The following DOK6 variants were observed in gnomAD, a reference collection of about 807,000 sequenced individuals.
DOK6 encodes downstream of tyrosine kinase 6.
In DOK6, 22 loss-of-function variants were observed where a neutral mutation model predicts 44.0. The observed-to-expected ratio is 0.50, with a 90% CI of 0.36 to 0.71. DOK6 has a LOEUF of 0.71. DOK6 is among the 30% of genes least tolerant of loss of function. The probability of loss-of-function intolerance (pLI) is 0.00; values close to 1 mark genes in which losing one functional copy is unlikely to be tolerated. For missense variants in DOK6, 340 were observed against 416.4 expected (o/e 0.82, Z 1.60); for synonymous variants, 166 against 145.5 (o/e 1.14, Z -1.01).
intron 2 of DOK6, among the ~76,000 whole-genome samples, chr18:69,587,082 TA>T (rs1312845022): frequency 6.6e-6 from 1 of 152,188 alleles, no homozygotes; most frequent in Non-Finnish European, 1.5e-5. Flanking sequence ...GTTCATGTAA[TA>T]ACTAACTCTA....
intron 1 of DOK6, among the ~76,000 whole-genome samples, chr18:69,560,918 A>G (rs1396336610): frequency 1.4e-5 from 2 of 144,900 alleles, no homozygotes; most frequent in African/African-American, 5.0e-5. Context: ...GGAGATCATT[A>G]ATATGCTTTC....
At chr18:69,486,958 T>C (rs909210445) in intron 1 of DOK6, among the ~76,000 whole-genome samples, 1 of 152,152 alleles carries the variant, frequency 6.6e-6, no homozygotes, top group African/African-American at 2.4e-5. Flanking sequence ...TTTCACCCCC[T>C]TTCTTTCTTC....
intron 3 of DOK6, among the ~76,000 whole-genome samples, chr18:69,651,711 A>G (rs1394276830): frequency 6.6e-6 from 1 of 151,010 alleles, no homozygotes; most frequent in Admixed American, 6.6e-5. Context: ...CTGATTTCAA[A>G]CTCCTGACCT....
chr18:69,638,520 G>T (rs1364875537), intron 3 of DOK6, among the ~76,000 whole-genome samples: 2 of 150,560 alleles, frequency 1.3e-5, no homozygotes, highest in Non-Finnish European at 3.0e-5. Flanking sequence ...AAAACCACAT[G>T]TATTTATTTC....
At chr18:69,577,597 A>C (rs1983268221) in intron 2 of DOK6, among the ~76,000 whole-genome samples, 1 of 152,146 alleles carries the variant, frequency 6.6e-6, no homozygotes. Context: ...GACTCAAAGA[A>C]ATGGAAAATG....
intron 2 of DOK6, among the ~76,000 whole-genome samples, chr18:69,567,198 T>C (rs1054389900): frequency 2.0e-5 from 3 of 152,224 alleles, no homozygotes; most frequent in African/African-American, 7.2e-5. Context: ...TTACCATGAA[T>C]GTAGCACTGG....
At chr18:69,497,354 A>G (rs184191411) in intron 1 of DOK6, among the ~76,000 whole-genome samples, 10 of 152,296 alleles carry the variant, frequency 6.6e-5, no homozygotes, top group African/African-American at 2.4e-4. Flanking sequence ...GTCTGATGAC[A>G]CACATGCTGT....
chr18:69,435,688 A>C (rs1055911982), intron 1 of DOK6, among the ~76,000 whole-genome samples: 2 of 152,200 alleles, frequency 1.3e-5, no homozygotes, highest in African/African-American at 4.8e-5. Flanking sequence ...ATGTATTTTT[A>C]AAAATCTTTT....
chr18:69,690,808 T>C (rs1276319286), intron 4 of DOK6, among the ~76,000 whole-genome samples: 1 of 152,224 alleles, frequency 6.6e-6, no homozygotes, highest in Non-Finnish European at 1.5e-5. Context: ...GTCTCTGGTC[T>C]TTTGCCTAAA....
At chr18:69,720,420 G>T (rs1378503194) in intron 5 of DOK6, among the ~76,000 whole-genome samples, 1 of 152,112 alleles carries the variant, frequency 6.6e-6, no homozygotes, top group Non-Finnish European at 1.5e-5. Flanking sequence ...ATATGCTTAA[G>T]ACAATGAAGA....
intron 7 of DOK6, among the ~76,000 whole-genome samples, chr18:69,768,583 A>T (rs1979789562): frequency 6.6e-6 from 1 of 150,490 alleles, no homozygotes; most frequent in East Asian, 2.0e-4. Context: ...CAATACATGT[A>T]TTTTGAACAA....
intron 2 of DOK6, among the ~76,000 whole-genome samples, chr18:69,596,316 T>C (rs1247124599): frequency 6.6e-6 from 1 of 152,132 alleles, no homozygotes; most frequent in African/African-American, 2.4e-5. Flanking sequence ...TAATTGGGTG[T>C]GGTCATGGAA....
chr18:69,576,736 G>A (rs953031418), intron 2 of DOK6, among the ~76,000 whole-genome samples: 1 of 152,032 alleles, frequency 6.6e-6, no homozygotes, highest in African/African-American at 2.4e-5. Context: ...ATGCATTAGG[G>A]TTGAAAATGT....
intron 3 of DOK6, among the ~76,000 whole-genome samples, chr18:69,640,221 A>G (rs1427985636): frequency 1.3e-5 from 2 of 152,180 alleles, no homozygotes; most frequent in Non-Finnish European, 1.5e-5. Context: ...TATTGCCTCA[A>G]TCTGGTATTC....
chr18:69,712,837 ACT>A (rs1986799851), intron 5 of DOK6, among the ~76,000 whole-genome samples: 1 of 152,148 alleles, frequency 6.6e-6, no homozygotes, highest in Non-Finnish European at 1.5e-5. Flanking sequence ...ACAGAGTGAG[ACT>A]CTGTTTCAAC....
At chr18:69,671,307 A>G (rs1985793374) in intron 3 of DOK6, among the ~76,000 whole-genome samples, 1 of 152,210 alleles carries the variant, frequency 6.6e-6, no homozygotes, top group African/African-American at 2.4e-5. Context: ...GGTTTTCTCT[A>G]TTGAGTCCAG....
chr18:69,470,164 G>C, intron 1 of DOK6: 1 of 152,876 alleles, frequency 6.5e-6, no homozygotes, highest in South Asian at 2.0e-4. Flanking sequence ...ATTCCTTGGC[G>C]TGTGTAGGTC....
intron 3 of DOK6, among the ~76,000 whole-genome samples, chr18:69,631,604 A>G (rs1599231780): frequency 6.6e-6 from 1 of 152,122 alleles, no homozygotes; most frequent in African/African-American, 2.4e-5. Flanking sequence ...TGAAAAACTC[A>G]CCCTGCCAAA....
chr18:69,624,062 T>C (rs548613296), intron 3 of DOK6, among the ~76,000 whole-genome samples: 3 of 152,166 alleles, frequency 2.0e-5, no homozygotes, highest in Admixed American at 6.5e-5. Context: ...ATTTTTGACA[T>C]AGAGTAGGGA....
Sources: allele counts gnomAD v4.1 joint callset (sites outside exome capture counted in the v4.1 genomes callset), GRCh38; gene constraint gnomAD v4.1.1; transcripts MANE v1.5; gene names NCBI Gene and HGNC (gene_info 2026-07-23, HGNC 2026-07-21).